CMIP: variants seen among roughly 807,000 people sequenced by gnomAD.
The protein encoded by CMIP is c-Maf inducing protein, also known as C-Maf-inducing protein.
In CMIP, 13 loss-of-function variants were observed where a neutral mutation model predicts 97.3. The observed-to-expected ratio is 0.13, with a 90% CI of 0.09 to 0.21. The LOEUF is 0.21. Among genes scored for constraint, CMIP ranks in the 10% least tolerant of loss-of-function variants. CMIP has a pLI of 1.00. For synonymous variants in CMIP, 538 were observed against 436.3 expected (o/e 1.23, Z -2.91); for missense variants, 847 against 1,024.9 (o/e 0.83, Z 2.37).
In CMIP at chr16:81,587,492, C is replaced by T. The variant is rs1177545750; in HGVS notation, c.301-20075C>T. ...AGCCACCACAAAGTCCTTGCTTCCC[C>T]AGCTGCTGCACAGATTGCGCAGATC... On this transcript the variant is annotated intron_variant, in intron 1 of 20. Transcript: ENST00000537098. 2.6e-5 allele frequency among the ~76,000 whole-genome samples: 4 copies of T among 152,344 alleles called. No homozygotes were observed. The East Asian group carries it at 5.8e-4, about 22-fold the overall frequency.
chr16:81,558,418 C>G (rs1444411804), intron 1 of CMIP, among the ~76,000 whole-genome samples: 1 of 152,248 alleles, frequency 6.6e-6, no homozygotes, highest in African/African-American at 2.4e-5. Context: ...GATGATACAG[C>G]TCTTCTCCGG....
intron 1 of CMIP, among the ~76,000 whole-genome samples, chr16:81,487,558 C>T (rs1042128049): frequency 1.3e-5 from 2 of 152,284 alleles, no homozygotes; most frequent in East Asian, 1.9e-4. Flanking sequence ...TCTCCCAAGG[C>T]GAAGGAAGCC....
intron 1 of CMIP, among the ~76,000 whole-genome samples, chr16:81,462,819 G>A (rs541599515): frequency 6.6e-6 from 1 of 152,312 alleles, no homozygotes; most frequent in South Asian, 2.1e-4. Flanking sequence ...GGCAGATGGT[G>A]GCTCACTGCT....
chr16:81,449,833 C>T lies in CMIP; in HGVS notation c.300+4292C>T, dbSNP rs200157855. On this transcript the variant is annotated intron_variant, in intron 1 of 20. Coordinates refer to ENST00000537098, the MANE Select transcript of CMIP (RefSeq NM_198390.3). ...AAATTGCAAACGTGGTCTGCCTTTC[C>T]CAGGCTGTAATAAGTAAGTGCATTT... Among the ~76,000 whole-genome samples the T allele has an allele frequency of 1.6e-4, 25 of 152,248 alleles. No individual in the cohort carries two copies. In the East Asian group the frequency reaches 4.6e-3, roughly 28 times the overall value.
intron 1 of CMIP, among the ~76,000 whole-genome samples, chr16:81,555,546 C>A (rs1359748487): frequency 1.3e-5 from 2 of 152,230 alleles, no homozygotes; most frequent in African/African-American, 4.8e-5. Context: ...TCAGCACATA[C>A]ACTGTCCGCT....
At chr16:81,693,036 A>G in intron 11 of CMIP, 122 bp from the exon 12 acceptor site, 1 of 723,186 alleles carries the variant, frequency 1.4e-6, no homozygotes, top group Non-Finnish European at 2.4e-6. Context: ...TTTCACTCAC[A>G]TTCCTCTTCA....
intron 10 of CMIP, among the ~76,000 whole-genome samples, chr16:81,690,855 G>A (rs1404739628): frequency 1.3e-5 from 2 of 152,166 alleles, no homozygotes; most frequent in Non-Finnish European, 2.9e-5. Flanking sequence ...GAACCCAGGA[G>A]GTGGAGGTTG....
intron 1 of CMIP, among the ~76,000 whole-genome samples, chr16:81,571,404 G>A (rs1292154220): frequency 6.6e-6 from 1 of 151,974 alleles, no homozygotes; most frequent in Non-Finnish European, 1.5e-5. Flanking sequence ...GGAATTTGAG[G>A]CTGCAGCGAG....
At chr16:81,620,021 G>T (rs1008080432) in intron 2 of CMIP, 1 of 152,244 alleles carries the variant, frequency 6.6e-6, no homozygotes, top group Non-Finnish European at 1.5e-5. Context: ...CAATGGTAAT[G>T]ATAACAATAA....
chr16:81,679,563 C>T (rs1257757667), intron 10 of CMIP, among the ~76,000 whole-genome samples: 4 of 151,812 alleles, frequency 2.6e-5, no homozygotes, highest in African/African-American at 9.7e-5. Flanking sequence ...TGTGGCTGTG[C>T]GTATTTGTGC....
chr16:81,468,157 C>T (rs1464621101), intron 1 of CMIP, among the ~76,000 whole-genome samples: 1 of 152,124 alleles, frequency 6.6e-6, no homozygotes, highest in Non-Finnish European at 1.5e-5. Flanking sequence ...CTTTTTGGAG[C>T]CCAAGATAAT....
intron 2 of CMIP, among the ~76,000 whole-genome samples, chr16:81,615,279 CTGTG>C (rs373409935): frequency 7.8e-6 from 1 of 128,218 alleles, no homozygotes; most frequent in South Asian, 2.6e-4. Flanking sequence ...TGGTATGTGG[CTGTG>C]TGGTGTGTGT....
At chr16:81,544,499 C>T (rs13333615) in intron 1 of CMIP, among the ~76,000 whole-genome samples, 7,243 of 150,514 alleles carry the variant, frequency 0.048, 215 homozygotes, top group Middle Eastern at 0.085. Flanking sequence ...AACAGCCTGC[C>T]GCTGACCTTC....
intron 1 of CMIP, among the ~76,000 whole-genome samples, chr16:81,563,456 C>G (rs1167324984): frequency 3.3e-5 from 5 of 152,204 alleles, no homozygotes; most frequent in Admixed American, 6.5e-5. Context: ...AAGGTGCGGT[C>G]TATGGACCAG....
chr16:81,463,208 T>A (rs570144082), intron 1 of CMIP, among the ~76,000 whole-genome samples: 1 of 152,332 alleles, frequency 6.6e-6, no homozygotes, highest in East Asian at 1.9e-4. Flanking sequence ...GTTAACATTT[T>A]AAGGACCCCA....
chr16:81,605,352 C>T (rs545493499), intron 1 of CMIP, among the ~76,000 whole-genome samples: 5 of 152,322 alleles, frequency 3.3e-5, no homozygotes, highest in South Asian at 4.1e-4. Flanking sequence ...ACAGGATGAA[C>T]GCAGCTGCCT....
chr16:81,666,207 T>G (rs1032191383), intron 7 of CMIP: 74 of 152,158 alleles, frequency 4.9e-4, no homozygotes, highest in African/African-American at 1.8e-3. Flanking sequence ...ACGGGTGTAG[T>G]GTATGGAGTG....
chr16:81,490,191 G>C (rs560392633), intron 1 of CMIP, among the ~76,000 whole-genome samples: 23 of 152,334 alleles, frequency 1.5e-4, no homozygotes, highest in Non-Finnish European at 2.8e-4. Context: ...CTACCAGTTA[G>C]TAGTTAATTC....
rs145928355 is a variant in CMIP, at chr16:81,453,541, C to G, written c.300+8000C>G. ...GAGCAGACCCAGGCCTGGCTCTCCT[C>G]CCTCGCATGTTGGCTCCCTGTGTGG... On this transcript the variant is annotated intron_variant, in intron 1 of 20. Transcript: ENST00000537098. This position sits in a 1 kb window ranked among gnomAD's most constrained non-coding sequence, Gnocchi z 4.0. Among the ~76,000 whole-genome samples, 165 of 152,312 alleles carry G rather than the reference C, an allele frequency of 1.1e-3. 1 individual carries two copies. Among genetic ancestry groups the G allele is most frequent in the African/African-American group, 4.0e-3 (165 of 41,566 alleles).
Sources: gnomAD v4.1 joint callset for allele counts (sites outside exome capture counted in the v4.1 genomes callset) on GRCh38, gnomAD v4.1.1 for gene constraint, Gnocchi (gnomAD v3.1) non-coding constraint, MANE v1.5 for transcripts, NCBI Gene and HGNC (gene_info 2026-07-23, HGNC 2026-07-21) for gene names.